GALNT13: variants seen among roughly 807,000 people sequenced by gnomAD.
GALNT13 encodes the protein UDP-GalNAc:polypeptide N-acetylgalactosaminyltransferase 13.
A neutral mutation model predicts 64.2 loss-of-function variants in GALNT13; 28 were observed. The ratio of observed to expected loss-of-function variants is 0.44; its 90% CI spans 0.32 to 0.60. The LOEUF (loss-of-function observed/expected upper bound fraction) is 0.60, where lower values mean the gene tolerates loss of function less well. GALNT13 is among the 20% of genes least tolerant of loss of function. The probability of loss-of-function intolerance (pLI) is 0.05; values close to 1 mark genes in which losing one functional copy is unlikely to be tolerated. For missense variants in GALNT13, 577 were observed against 669.8 expected (o/e 0.86, Z 1.53); for synonymous variants, 214 against 224.6 (o/e 0.95, Z 0.42).
the GALNT13 span, among the ~76,000 whole-genome samples, chr2:153,656,339 T>TGC: frequency 5.7e-4 from 80 of 141,578 alleles, no homozygotes; most frequent in South Asian, 1.5e-3. Flanking sequence ...TGTGTGTGTG[T>TGC]GCGCGCGCAC....
chr2:153,484,458 T>A, the GALNT13 span, among the ~76,000 whole-genome samples: 1 of 152,222 alleles, frequency 6.6e-6, no homozygotes, highest in East Asian at 1.9e-4. Context: ...ATATTTAAAT[T>A]ACACTTTTAG....
chr2:154,317,949 T>G (rs62172263), intron 9 of GALNT13, among the ~76,000 whole-genome samples: 1 of 151,774 alleles, frequency 6.6e-6, no homozygotes, highest in South Asian at 2.1e-4. Context: ...AAAAAAAAAT[T>G]ATATAAGTCA....
the GALNT13 span, among the ~76,000 whole-genome samples, chr2:153,862,128 A>C: frequency 2.0e-5 from 3 of 152,200 alleles, no homozygotes; most frequent in African/African-American, 7.2e-5. Context: ...ATAATCTTAT[A>C]GCAATTACAC....
the GALNT13 span, among the ~76,000 whole-genome samples, chr2:153,259,872 TCTC>T: frequency 1.3e-5 from 2 of 152,188 alleles, no homozygotes; most frequent in African/African-American, 2.4e-5. Flanking sequence ...TTCTTGGTCT[TCTC>T]CTTCTTCTTT....
At chr2:154,242,243 T>G in intron 5 of GALNT13, 47 bp downstream of exon 5, 1 of 1,560,222 alleles carries the variant, frequency 6.4e-7, no homozygotes, top group Non-Finnish European at 8.8e-7. Flanking sequence ...TGTTTTGTTT[T>G]GTTTTGTTTT....
chr2:153,563,853 G>A, the GALNT13 span, among the ~76,000 whole-genome samples: 7 of 151,928 alleles, frequency 4.6e-5, no homozygotes, highest in Admixed American at 1.3e-4. Context: ...TAGTGCCCTC[G>A]AATATTTTCC....
At chr2:154,226,159 A>T (rs1688607826) in intron 4 of GALNT13, among the ~76,000 whole-genome samples, 1 of 152,132 alleles carries the variant, frequency 6.6e-6, no homozygotes, top group Non-Finnish European at 1.5e-5. Context: ...AGAAGGTCAG[A>T]GAAAATCTTT....
the GALNT13 span, among the ~76,000 whole-genome samples, chr2:153,488,146 T>C: frequency 6.6e-6 from 1 of 152,200 alleles, no homozygotes; most frequent in Admixed American, 6.5e-5. Flanking sequence ...AGAACATGAA[T>C]ATCCTTGTTT....
intron 3 of GALNT13, among the ~76,000 whole-genome samples, chr2:154,097,476 T>C (rs1284625693): frequency 6.6e-6 from 1 of 152,126 alleles, no homozygotes; most frequent in Non-Finnish European, 1.5e-5. Context: ...TGTACTTATC[T>C]TGATAAACCT....
At chr2:153,737,991 T>A in the GALNT13 span, among the ~76,000 whole-genome samples, 1 of 152,100 alleles carries the variant, frequency 6.6e-6, no homozygotes, top group East Asian at 1.9e-4. Flanking sequence ...GTCTATCTTG[T>A]GTTTAACTAT....
At chr2:154,306,619 G>GGT (rs1173031485) in intron 9 of GALNT13, among the ~76,000 whole-genome samples, 3 of 820 alleles carry the variant, frequency 3.7e-3, no homozygotes, top group Admixed American at 0.024. Context: ...ATAATTTGGT[G>GGT]GGGGGGGGGT....
At chr2:153,522,103 G>A in the GALNT13 span, among the ~76,000 whole-genome samples, 2 of 152,034 alleles carry the variant, frequency 1.3e-5, no homozygotes, top group Non-Finnish European at 2.9e-5. Flanking sequence ...GGGAGGCCGT[G>A]GTGGGCAGAT....
intron 7 of GALNT13, among the ~76,000 whole-genome samples, chr2:154,248,178 A>G (rs767565446): frequency 5.3e-5 from 8 of 152,132 alleles, no homozygotes; most frequent in Non-Finnish European, 1.5e-5. Context: ...GCTAGTCATC[A>G]TTTAGAAATA....
chr2:153,830,685 C>G, the GALNT13 span, among the ~76,000 whole-genome samples: 1 of 152,072 alleles, frequency 6.6e-6, no homozygotes, highest in Non-Finnish European at 1.5e-5. Flanking sequence ...CATTTGTATT[C>G]ATTTATAATT....
At chr2:153,496,733 C>A in the GALNT13 span, among the ~76,000 whole-genome samples, 2 of 151,954 alleles carry the variant, frequency 1.3e-5, no homozygotes, top group East Asian at 3.9e-4. Flanking sequence ...TGCCTATAAT[C>A]CCGGAATTTT....
intron 3 of GALNT13, among the ~76,000 whole-genome samples, chr2:154,061,864 C>G (rs1700206365): frequency 6.6e-6 from 1 of 152,100 alleles, no homozygotes; most frequent in East Asian, 1.9e-4. Context: ...CTTTTTCTAA[C>G]ATTATTTATA....
chr2:153,558,437 C>T, the GALNT13 span, among the ~76,000 whole-genome samples: 12 of 152,152 alleles, frequency 7.9e-5, no homozygotes, highest in Non-Finnish European at 1.2e-4. Flanking sequence ...TTTGAAATAG[C>T]CCCTCCAGCG....
chr2:154,132,265 A>G lies in GALNT13; in HGVS notation c.143-8072A>G, dbSNP rs111923464. Among the ~76,000 whole-genome samples, 391 of 152,344 alleles carry G rather than the reference A, an allele frequency of 2.6e-3. 1 individual carries two copies. The highest frequency in any genetic ancestry group is 8.9e-3 in the African/African-American group (370 of 41,572). ...TTAGAAAATATAGATAATGCAAATG[A>G]AAGATGTAAAAGGCCCTTTAATTAA... is the stretch of plus-strand genomic sequence containing the variant. On this transcript the variant is annotated intron_variant, in intron 3 of 12. Coordinates refer to ENST00000392825, the MANE Select transcript of GALNT13 (RefSeq NM_052917.4).
chr2:153,800,045 G>GCTCT, the GALNT13 span, among the ~76,000 whole-genome samples: 928 of 118,994 alleles, frequency 7.8e-3, 20 homozygotes, highest in East Asian at 0.06. Flanking sequence ...CATTTAGTTT[G>GCTCT]CTCTCTCTCT....
Sources: gnomAD v4.1 joint callset for allele counts (sites outside exome capture counted in the v4.1 genomes callset) on GRCh38, gnomAD v4.1.1 for gene constraint, MANE v1.5 for transcripts, NCBI Gene and HGNC (gene_info 2026-07-23, HGNC 2026-07-21) for gene names.